Variants in KCNIP4 observed in about 807,000 individuals in gnomAD.
The protein encoded by KCNIP4 is potassium voltage-gated channel interacting protein 4.
KCNIP4 carries 12 observed loss-of-function variants against 34.0 expected under a neutral mutation model. The ratio of observed to expected loss-of-function variants is 0.35; its 90% CI spans 0.23 to 0.57. The LOEUF (loss-of-function observed/expected upper bound fraction) is 0.57, where lower values mean the gene tolerates loss of function less well. KCNIP4 is among the 20% of genes least tolerant of loss of function. KCNIP4 has a pLI of 0.83. For synonymous variants in KCNIP4, 124 were observed against 102.2 expected (o/e 1.21, Z -1.29); for missense variants, 238 against 311.7 (o/e 0.76, Z 1.78).
chr4:21,002,191 G>A (rs1738194356), intron 1 of KCNIP4, among the ~76,000 whole-genome samples: 1 of 152,242 alleles, frequency 6.6e-6, no homozygotes, highest in South Asian at 2.1e-4. Flanking sequence ...CACCATTGAA[G>A]TACAAAAGCT....
chr4:21,648,483 G>T (rs1747206970), intron 1 of KCNIP4, among the ~76,000 whole-genome samples: 1 of 152,100 alleles, frequency 6.6e-6, no homozygotes, highest in Non-Finnish European at 1.5e-5. Flanking sequence ...GGTAAATTAT[G>T]GGGAGATGCA....
intron 1 of KCNIP4, among the ~76,000 whole-genome samples, chr4:20,981,208 C>CT (rs1736033483): frequency 6.6e-6 from 1 of 152,140 alleles, no homozygotes; most frequent in African/African-American, 2.4e-5. Context: ...TCTTAGATGT[C>CT]TGACAGGGGC....
At chr4:21,409,203 C>G (rs941257751) in intron 1 of KCNIP4, among the ~76,000 whole-genome samples, 44 of 151,574 alleles carry the variant, frequency 2.9e-4, no homozygotes, top group Admixed American at 1.8e-3. Context: ...ACCTCCTGGG[C>G]TCAAGCCATC....
intron 3 of KCNIP4, among the ~76,000 whole-genome samples, chr4:20,801,973 G>A (rs1030571125): frequency 6.6e-6 from 1 of 151,458 alleles, no homozygotes; most frequent in African/African-American, 2.4e-5. Flanking sequence ...GAGCAAGAGT[G>A]GCTACAGTTA....
intron 1 of KCNIP4, among the ~76,000 whole-genome samples, chr4:21,815,664 T>A (rs1721946949): frequency 6.6e-6 from 1 of 152,216 alleles, no homozygotes; most frequent in South Asian, 2.1e-4. Flanking sequence ...TCATTTGATA[T>A]AAGCTGGATG....
intron 1 of KCNIP4, among the ~76,000 whole-genome samples, chr4:21,534,411 T>G (rs1376459983): frequency 1.3e-5 from 2 of 152,208 alleles, no homozygotes; most frequent in African/African-American, 4.8e-5. Context: ...TATTTTCATT[T>G]AATTTTAATG....
intron 1 of KCNIP4, among the ~76,000 whole-genome samples, chr4:21,729,653 T>C (rs1715448247): frequency 6.6e-6 from 1 of 152,214 alleles, no homozygotes; most frequent in Admixed American, 6.5e-5. Context: ...GGTATGCCTC[T>C]GCTTCATTCC....
chr4:21,205,233 A>C (rs890398706), intron 1 of KCNIP4, among the ~76,000 whole-genome samples: 1 of 152,152 alleles, frequency 6.6e-6, no homozygotes, highest in Non-Finnish European at 1.5e-5. Context: ...GCACGTTCTA[A>C]GTTTGGGCAT....
chr4:21,387,351 A>G (rs1390106434), intron 1 of KCNIP4, among the ~76,000 whole-genome samples: 1 of 152,188 alleles, frequency 6.6e-6, no homozygotes, highest in Non-Finnish European at 1.5e-5. Context: ...AAAAGTTTCT[A>G]AGCAACGTTT....
chr4:21,604,388 T>C (rs1414061630), intron 1 of KCNIP4, among the ~76,000 whole-genome samples: 3 of 152,182 alleles, frequency 2.0e-5, no homozygotes, highest in Non-Finnish European at 4.4e-5. Context: ...AATCTGACCA[T>C]GTTTGCTCAG....
At chr4:20,961,196 A>C (rs576547308) in intron 1 of KCNIP4, among the ~76,000 whole-genome samples, 7 of 152,346 alleles carry the variant, frequency 4.6e-5, no homozygotes, top group African/African-American at 1.7e-4. Flanking sequence ...ATAATATGCA[A>C]GGCAAATCAC....
intron 8 of KCNIP4, chr4:20,731,393 G>T: frequency 1.0e-6 from 1 of 985,156 alleles, no homozygotes. Flanking sequence ...TTTAACTGTG[G>T]TTCTGCCCAC....
At chr4:21,482,806 C>A (rs1352223312) in intron 1 of KCNIP4, among the ~76,000 whole-genome samples, 1 of 152,024 alleles carries the variant, frequency 6.6e-6, no homozygotes, top group African/African-American at 2.4e-5. Flanking sequence ...TTGCTCTTCT[C>A]GAGGAGTATC....
intron 1 of KCNIP4, among the ~76,000 whole-genome samples, chr4:21,048,298 A>C (rs1742612967): frequency 6.6e-6 from 1 of 152,044 alleles, no homozygotes; most frequent in South Asian, 2.1e-4. Flanking sequence ...GAACATGTAA[A>C]CTCTAAAGAG....
At chr4:21,113,169 C>T (rs1032122242) in intron 1 of KCNIP4, among the ~76,000 whole-genome samples, 1 of 152,108 alleles carries the variant, frequency 6.6e-6, no homozygotes, top group Non-Finnish European at 1.5e-5. Context: ...GATGACTACC[C>T]AAGGGTACGA....
At chr4:21,348,548 T>G (rs1410231381) in intron 1 of KCNIP4, among the ~76,000 whole-genome samples, 1 of 152,130 alleles carries the variant, frequency 6.6e-6, no homozygotes, top group African/African-American at 2.4e-5. Context: ...AGTCTCCCCC[T>G]GAAGACAACC....
chr4:20,979,928 T>C (rs1004658429), intron 1 of KCNIP4, among the ~76,000 whole-genome samples: 4 of 152,160 alleles, frequency 2.6e-5, no homozygotes, highest in African/African-American at 9.7e-5. Flanking sequence ...CAATTCACGG[T>C]CCTAATCCAT....
At chr4:20,968,134 C>T (rs909128940) in intron 1 of KCNIP4, among the ~76,000 whole-genome samples, 1 of 152,180 alleles carries the variant, frequency 6.6e-6, no homozygotes, top group Admixed American at 6.5e-5. Context: ...ACAAACACTT[C>T]TCAAAAGAAG....
At chr4:21,834,275 T>C (rs1394801977) in intron 1 of KCNIP4, among the ~76,000 whole-genome samples, 3 of 152,228 alleles carry the variant, frequency 2.0e-5, no homozygotes, top group Admixed American at 6.5e-5. Context: ...CCTTGAGCAG[T>C]CGTCTGTAGT....
Sources: gnomAD v4.1 joint callset for allele counts (sites outside exome capture counted in the v4.1 genomes callset) on GRCh38, gnomAD v4.1.1 for gene constraint, MANE v1.5 for transcripts, NCBI Gene and HGNC (gene_info 2026-07-23, HGNC 2026-07-21) for gene names.